Variants in PIP4P2 observed in about 807,000 individuals in gnomAD.
PIP4P2 encodes the protein phosphatidylinositol-4,5-bisphosphate 4-phosphatase 2.
PIP4P2 carries 19 observed loss-of-function variants against 33.3 expected under a neutral mutation model. The observed-to-expected ratio is 0.57, with a 90% confidence interval of 0.40 to 0.84. The LOEUF is 0.84. Among genes scored for constraint, PIP4P2 ranks in the 40% least tolerant of loss-of-function variants. The pLI is 0.00. For synonymous variants in PIP4P2, 110 were observed against 111.9 expected (o/e 0.98, Z 0.11); for missense variants, 270 against 324.7 (o/e 0.83, Z 1.29).
chr8:91,026,183 GA>G (rs1812081640), intron 1 of PIP4P2, among the ~76,000 whole-genome samples: 1 of 152,170 alleles, frequency 6.6e-6, no homozygotes, highest in Non-Finnish European at 1.5e-5. Flanking sequence ...GGCTGGAGGA[GA>G]AATAAGGGAC....
intron 5 of PIP4P2, among the ~76,000 whole-genome samples, chr8:91,006,869 T>C (rs912163472): frequency 5.3e-5 from 8 of 152,192 alleles, no homozygotes; most frequent in Admixed American, 5.2e-4. Context: ...CTTGGGAGGC[T>C]GAGGCAGGAG....
At chr8:91,026,536 C>T (rs1011561474) in intron 1 of PIP4P2, among the ~76,000 whole-genome samples, 6 of 152,032 alleles carry the variant, frequency 3.9e-5, no homozygotes, top group Non-Finnish European at 8.8e-5. Context: ...TCCCTTTTTT[C>T]CCGTAGCCCT....
intron 4 of PIP4P2, among the ~76,000 whole-genome samples, chr8:91,011,934 A>C (rs1200543563): frequency 6.6e-6 from 1 of 151,930 alleles, no homozygotes; most frequent in Non-Finnish European, 1.5e-5. Flanking sequence ...ATCAAAATTA[A>C]ATTATTTTTA....
Position 91,027,601 on chromosome 8 carries a change from T to C in PIP4P2, c.107-6197A>G, listed in dbSNP as rs140970998. 7.8e-4 allele frequency among the ~76,000 whole-genome samples: 118 copies of C among 152,174 alleles called. 2 individuals are homozygous for C. The highest frequency in any genetic ancestry group is 6.8e-3 in the Middle Eastern group (2 of 294). On this transcript the variant is annotated intron_variant, in intron 1 of 6. Coordinates refer to ENST00000285419, the MANE Select transcript of PIP4P2 (RefSeq NM_018710.3). ...AGAAACCTGGAGAGTACTTGTGAAG[T>C]GGATCCTAAGGGTGTTAAACCAAAG... is the stretch of plus-strand genomic sequence containing the variant.
At chr8:91,040,093 A>T (rs953933543) in intron 1 of PIP4P2, among the ~76,000 whole-genome samples, 1 of 152,160 alleles carries the variant, frequency 6.6e-6, no homozygotes, top group Non-Finnish European at 1.5e-5. Context: ...ACATATTAGG[A>T]ATATTGATTA....
chr8:91,009,009 T>C (rs571970754), intron 4 of PIP4P2, among the ~76,000 whole-genome samples: 21 of 152,272 alleles, frequency 1.4e-4, no homozygotes, highest in Non-Finnish European at 2.6e-4. Flanking sequence ...ACTTTTCCAA[T>C]GCTCTGACGC....
At chr8:91,037,309 C>T (rs773538037) in intron 1 of PIP4P2, among the ~76,000 whole-genome samples, 107 of 152,224 alleles carry the variant, frequency 7.0e-4, no homozygotes, top group Admixed American at 2.4e-3. Flanking sequence ...CCTTAAGTTC[C>T]TTGTATTTGT....
chr8:91,038,519 T>G (rs1812262815), intron 1 of PIP4P2, among the ~76,000 whole-genome samples: 1 of 152,190 alleles, frequency 6.6e-6, no homozygotes, highest in African/African-American at 2.4e-5. Flanking sequence ...ATGTATTTAT[T>G]TATTCTTTCT....
At chr8:91,012,984 C>G (rs1811859318) in intron 4 of PIP4P2, among the ~76,000 whole-genome samples, 1 of 152,102 alleles carries the variant, frequency 6.6e-6, no homozygotes, top group African/African-American at 2.4e-5. Flanking sequence ...GTTCTTTTCT[C>G]CTCATTCCCT....
At chr8:91,030,053 A>G (rs1812141554) in intron 1 of PIP4P2, among the ~76,000 whole-genome samples, 1 of 152,216 alleles carries the variant, frequency 6.6e-6, no homozygotes, top group African/African-American at 2.4e-5. Flanking sequence ...AACAGAAATT[A>G]GAAAAGACTG....
chr8:91,010,746 T>G (rs577896362), intron 4 of PIP4P2, among the ~76,000 whole-genome samples: 4 of 151,962 alleles, frequency 2.6e-5, no homozygotes, highest in African/African-American at 9.6e-5. Context: ...TCTGGATTCT[T>G]AAAATTTTAT....
intron 4 of PIP4P2, among the ~76,000 whole-genome samples, chr8:91,010,348 T>C (rs537792208): frequency 3.9e-5 from 6 of 151,908 alleles, no homozygotes; most frequent in Non-Finnish European, 8.8e-5. Flanking sequence ...TATGAAACCT[T>C]TGAGTCAAGA....
At chr8:91,024,965 G>GT (rs1812062996) in intron 1 of PIP4P2, among the ~76,000 whole-genome samples, 1 of 152,030 alleles carries the variant, frequency 6.6e-6, no homozygotes, top group African/African-American at 2.4e-5. Context: ...CTTTTTAAGG[G>GT]TTATACACAA....
At position 91,021,237 on chromosome 8, in the gene PIP4P2, A is replaced by C. The variant is rs757888356; in HGVS notation, c.255+19T>G. The C allele has an allele frequency of 8.7e-6, 14 of 1,610,150 alleles. No homozygotes were observed. The highest frequency in any genetic ancestry group is 1.7e-5 in the Admixed American group (1 of 59,278). On this transcript the variant is annotated intron_variant, in intron 2 of 6. Transcript: ENST00000285419. ...TCAAATAACAATTTATATTTTTTCT[A>C]ATGGAAATCTCCACTTACCGTAGCT...
At chr8:91,021,795 T>C (rs773623006) in intron 1 of PIP4P2, among the ~76,000 whole-genome samples, 1 of 152,224 alleles carries the variant, frequency 6.6e-6, no homozygotes, top group Non-Finnish European at 1.5e-5. Context: ...AAATGGTCGA[T>C]GAAAGCAAAG....
At chr8:91,014,831 C>T (rs1252834654) in intron 4 of PIP4P2, among the ~76,000 whole-genome samples, 1 of 149,484 alleles carries the variant, frequency 6.7e-6, no homozygotes, top group Non-Finnish European at 1.5e-5. Flanking sequence ...TGTTAATTAA[C>T]TTGATTGTGG....
chr8:90,999,559 A>G (rs1811675266), intron 5 of PIP4P2, among the ~76,000 whole-genome samples: 1 of 152,036 alleles, frequency 6.6e-6, no homozygotes, highest in Non-Finnish European at 1.5e-5. Flanking sequence ...TTCACATTCC[A>G]TTGGTCCTAA....
At position 91,018,418 on chromosome 8, in the gene PIP4P2, A is replaced by C; in HGVS notation, c.458T>G (p.Val153Gly). 6.2e-7 allele frequency: 1 copy of C among 1,614,078 alleles called. No homozygotes were observed. Among genetic ancestry groups the C allele is most frequent in the Non-Finnish European group, 8.5e-7 (1 of 1,179,932 alleles). ...GAATGTGTTTCCACAGTGCCCACAC[A>C]CGACCCTTGTACCTTCTGGTTGGAT... ...LPIQPEGTRVVCGHCGNTFLW... is the reference protein window; with the variant it reads ...LPIQPEGTRVGCGHCGNTFLW... The change falls in exon 4 of 7, where the codon GTG (valine) becomes GGG (glycine). Residue 153 changes from valine (V) to glycine (G), a missense_variant. Coordinates refer to ENST00000285419, the MANE Select transcript of PIP4P2 (RefSeq NM_018710.3).
intron 5 of PIP4P2, among the ~76,000 whole-genome samples, chr8:90,998,470 C>A (rs1811658364): frequency 6.6e-6 from 1 of 152,046 alleles, no homozygotes; most frequent in Non-Finnish European, 1.5e-5. Context: ...CAATGACCAA[C>A]AAGCACTTAT....
Sources: allele counts gnomAD v4.1 joint callset (sites outside exome capture counted in the v4.1 genomes callset), GRCh38; gene constraint gnomAD v4.1.1; transcripts MANE v1.5; gene names NCBI Gene and HGNC (gene_info 2026-07-23, HGNC 2026-07-21).